EDA: variants seen among roughly 807,000 people sequenced by gnomAD.
EDA encodes ectodysplasin A.
A neutral mutation model predicts 23.6 loss-of-function variants in EDA; 2 were observed. The ratio of observed to expected loss-of-function variants is 0.08; its 90% CI spans 0.03 to 0.27. The LOEUF (loss-of-function observed/expected upper bound fraction) is 0.27, where lower values mean the gene tolerates loss of function less well. EDA is among the 10% of genes least tolerant of loss of function. EDA has a pLI of 1.00. For synonymous variants in EDA, 131 were observed against 132.0 expected, an observed-to-expected ratio of 0.99 and a Z score of 0.05; for missense variants, 229 against 324.2, an observed-to-expected ratio of 0.71 and a Z score of 2.26.
At chrX:69,983,837 A>C (rs1169522906) in intron 2 of EDA, among the ~76,000 whole-genome samples, 12 of 106,579 alleles carry the variant, frequency 1.1e-4, no homozygotes, top group African/African-American at 4.1e-4. Flanking sequence ...CTCCTGGATA[A>C]TATCCTGCAG....
chrX:69,662,198 T>C (rs1197552694), intron 1 of EDA, among the ~76,000 whole-genome samples: 1 of 111,880 alleles, frequency 8.9e-6, no homozygotes, highest in Non-Finnish European at 1.9e-5. Context: ...TTTTTAAGAT[T>C]CTGCATATAA....
At chrX:69,791,792 T>C (rs1279047619) in intron 1 of EDA, among the ~76,000 whole-genome samples, 5 of 110,279 alleles carry the variant, frequency 4.5e-5, no homozygotes, top group East Asian at 5.8e-4. Context: ...TACAGGCACG[T>C]GCCACCACAC....
At chrX:70,011,595 A>C (rs1340536274) in intron 2 of EDA, among the ~76,000 whole-genome samples, 1 of 111,471 alleles carries the variant, frequency 9.0e-6, no homozygotes, top group Non-Finnish European at 1.9e-5. Context: ...AAGAACAAGT[A>C]AAATGTTTTA....
intron 1 of EDA, among the ~76,000 whole-genome samples, chrX:69,650,442 G>A (rs939589840): frequency 4.5e-5 from 5 of 111,359 alleles, no homozygotes; most frequent in Non-Finnish European, 3.8e-5. Context: ...GAGGGGTCAC[G>A]AAGAGGGGTT....
At chrX:69,875,211 C>A (rs112570429) in intron 1 of EDA, among the ~76,000 whole-genome samples, 1,957 of 111,621 alleles carry the variant, frequency 0.018, 48 homozygotes, top group African/African-American at 0.061. Flanking sequence ...GGAGGCCTCA[C>A]AATACCTGAC....
chrX:69,655,943 T>C (rs1933308185), intron 1 of EDA, among the ~76,000 whole-genome samples: 1 of 106,579 alleles, frequency 9.4e-6, no homozygotes, highest in Non-Finnish European at 1.9e-5. Flanking sequence ...CACTGTCACT[T>C]AGGTGATAAT....
intron 1 of EDA, among the ~76,000 whole-genome samples, chrX:69,792,846 G>T (rs746216799): frequency 8.0e-5 from 9 of 112,174 alleles, no homozygotes; most frequent in Admixed American, 1.9e-4. Flanking sequence ...TGATTTGCTT[G>T]AGTTCCTTGT....
At chrX:69,789,012 C>T (rs1264511141) in intron 1 of EDA, among the ~76,000 whole-genome samples, 2 of 112,654 alleles carry the variant, frequency 1.8e-5, no homozygotes, top group African/African-American at 6.4e-5. Flanking sequence ...TTTTTTTAGC[C>T]TGTCGGAAAA....
At chrX:69,688,094 A>G (rs1934601138) in intron 1 of EDA, among the ~76,000 whole-genome samples, 1 of 111,522 alleles carries the variant, frequency 9.0e-6, no homozygotes. Flanking sequence ...CTGCCCTGGG[A>G]AAAAGAGGTT....
At chrX:69,620,889 A>G (rs868581954) in intron 1 of EDA, 10 of 379,734 alleles carry the variant, frequency 2.6e-5, no homozygotes, top group Non-Finnish European at 4.7e-5. Flanking sequence ...TTCTCTTTCT[A>G]TAACAGGCCT....
chrX:69,980,209 G>A (rs7876773), intron 2 of EDA, among the ~76,000 whole-genome samples: 25,478 of 110,516 alleles, frequency 0.23, 2,473 homozygotes, highest in Middle Eastern at 0.38. Flanking sequence ...GTGACAAGGA[G>A]TCAATATTTC....
chrX:69,654,104 AAAAC>A (rs1174788859), intron 1 of EDA, among the ~76,000 whole-genome samples: 3 of 112,069 alleles, frequency 2.7e-5, no homozygotes, highest in Non-Finnish European at 3.8e-5. Context: ...TTACAAGAAA[AAAAC>A]AAACAAATCC....
chrX:69,842,384 A>G (rs1409623032), intron 1 of EDA, among the ~76,000 whole-genome samples: 1 of 111,592 alleles, frequency 9.0e-6, no homozygotes, highest in Non-Finnish European at 1.9e-5. Flanking sequence ...TTCATTATAT[A>G]TTACAAAATA....
chrX:69,970,352 A>G (rs1279814315), intron 2 of EDA, among the ~76,000 whole-genome samples: 4 of 112,376 alleles, frequency 3.6e-5, no homozygotes, highest in Admixed American at 9.4e-5. Flanking sequence ...GAGATAAATT[A>G]AAATGCCTAA....
intron 1 of EDA, among the ~76,000 whole-genome samples, chrX:69,702,251 G>A (rs957466365): frequency 6.3e-5 from 7 of 111,039 alleles, no homozygotes; most frequent in African/African-American, 9.8e-5. Flanking sequence ...GTACAGGTGG[G>A]AGAGAAGGAA....
rs745962509 is a variant in EDA, at chrX:69,935,430, A to G, written c.397-21597A>G. Reference sequence around the variant, plus strand: ...CACCAACAGTGTACAAGGGTTCCCTATTCTCCACATCCTCATCAGCATGTG... The same window carrying G: ...CACCAACAGTGTACAAGGGTTCCCTGTTCTCCACATCCTCATCAGCATGTG... On this transcript the variant is annotated intron_variant, in intron 1 of 7. Coordinates refer to ENST00000374552, the MANE Select transcript of EDA (RefSeq NM_001399.5). Among the ~76,000 whole-genome samples the G allele has an allele frequency of 5.4e-5, 6 of 112,009 alleles. No homozygotes were observed. The South Asian group carries it at 1.9e-3, about 35-fold the overall frequency.
At chrX:69,770,222 A>C (rs2014588812) in intron 1 of EDA, among the ~76,000 whole-genome samples, 1 of 112,045 alleles carries the variant, frequency 8.9e-6, no homozygotes, top group Admixed American at 9.5e-5. Flanking sequence ...TTGCATAAAT[A>C]TAAGTTTCCA....
chrX:69,667,410 G>A (rs1933723930), intron 1 of EDA, among the ~76,000 whole-genome samples: 1 of 110,588 alleles, frequency 9.0e-6, no homozygotes, highest in Non-Finnish European at 1.9e-5. Context: ...ACCGTGCCTG[G>A]CCGTCTCTTT....
intron 1 of EDA, among the ~76,000 whole-genome samples, chrX:69,754,488 G>A (rs2147398251): frequency 9.0e-6 from 1 of 111,709 alleles, no homozygotes; most frequent in South Asian, 3.8e-4. Flanking sequence ...CTGTCTGGCT[G>A]CCCTTAACAT....
Sources: allele counts gnomAD v4.1 joint callset (sites outside exome capture counted in the v4.1 genomes callset), GRCh38; gene constraint gnomAD v4.1.1; transcripts MANE v1.5; gene names NCBI Gene and HGNC (gene_info 2026-07-23, HGNC 2026-07-21).